The following PRH1 variants were observed in gnomAD, a reference collection of about 807,000 sequenced individuals.
PRH1 encodes proline rich protein HaeIII subfamily 1.
Under a neutral mutation model 7.9 loss-of-function variants are expected in PRH1, and 7 were observed. The ratio of observed to expected loss-of-function variants is 0.89; its 90% CI spans 0.50 to 1.67. The LOEUF is 1.67. PRH1 is among the 40% of genes most tolerant of loss of function. PRH1 has a pLI of 0.00. For synonymous variants in PRH1, 45 were observed against 80.8 expected (o/e 0.56, Z 2.38); for missense variants, 109 against 223.6 (o/e 0.49, Z 3.27).
rs1247255283 is a variant in PRH1, at chr12:11,081,371, C to A, written n.124-34183G>T. Among the ~76,000 whole-genome samples, 6 of 116,168 alleles carry A rather than the reference C, an allele frequency of 5.2e-5. 3 individuals carry two copies. The highest frequency in any genetic ancestry group is 1.2e-4 in the African/African-American group (4 of 34,718). 76.2% of individuals were successfully genotyped at this position (116,168 alleles called of 152,430 possible). A position where few individuals can be genotyped will look rare whatever the true frequency, so the allele number is the denominator to read the frequency against. On this transcript the variant is annotated intron_variant and non_coding_transcript_variant, in intron 1 of 4. Transcript: ENST00000541977. ...CCATAAATCATTTTCTAGGGAGAAACTGAACAAACTACTCTTAACACCATG... is the reference window on the plus strand; with the variant it reads ...CCATAAATCATTTTCTAGGGAGAAAATGAACAAACTACTCTTAACACCATG...
At chr12:11,167,036 C>T (rs553210216) in intron 1 of PRH1, among the ~76,000 whole-genome samples, 1 of 152,218 alleles carries the variant, frequency 6.6e-6, no homozygotes, top group Non-Finnish European at 1.5e-5. Context: ...ATGGGATAAT[C>T]TCCCATCTCA....
At chr12:11,028,056 C>T (rs775294677) in intron 1 of PRH1, among the ~76,000 whole-genome samples, 12 of 152,164 alleles carry the variant, frequency 7.9e-5, no homozygotes, top group Admixed American at 3.9e-4. Context: ...TTCTCAGATT[C>T]TCTTCACTAT....
intron 1 of PRH1, among the ~76,000 whole-genome samples, chr12:11,060,979 G>T (rs1196912739): frequency 6.6e-6 from 1 of 152,236 alleles, no homozygotes; most frequent in Non-Finnish European, 1.5e-5. Flanking sequence ...TGTCTTTCCT[G>T]AGATAAGCTG....
chr12:10,897,273 G>A (rs1421710191), intron 2 of PRH1, among the ~76,000 whole-genome samples: 1 of 152,132 alleles, frequency 6.6e-6, no homozygotes, highest in African/African-American at 2.4e-5. Flanking sequence ...ATGCTCACTA[G>A]CCACGTGTGA....
rs35804377 is a variant in PRH1, at chr12:11,153,898, T to C, written n.39+17524A>G. On this transcript the variant is annotated intron_variant and non_coding_transcript_variant, in intron 1 of 1. Coordinates refer to the PRH1 transcript ENST00000541175. Reference sequence around the variant, plus strand: ...ATAATGTGAATTATGATAAATATTATGAGCTCACTAACAGATATTACCCCC... The same window carrying C: ...ATAATGTGAATTATGATAAATATTACGAGCTCACTAACAGATATTACCCCC... Among the ~76,000 whole-genome samples, 656 of 152,262 alleles carry C rather than the reference T, an allele frequency of 4.3e-3. 5 individuals are homozygous for C. The highest frequency in any genetic ancestry group is 0.015 in the African/African-American group (634 of 41,542).
Position 11,037,212 on chromosome 12 carries a change from T to C in PRH1, c.-126+9808A>G, listed in dbSNP as rs1394350263. Among the ~76,000 whole-genome samples the C allele has an allele frequency of 2.6e-5, 4 of 152,360 alleles. No homozygotes were observed. In the East Asian group the frequency reaches 7.7e-4, roughly 29 times the overall value. ...AATACAGTATATCAACTTTAGTTTA[T>C]CTTTTAATAGCATCATTAGCAAGCC... On this transcript the variant is annotated intron_variant, in intron 1 of 3. Transcript: ENST00000539853.
chr12:11,166,028 T>C (rs1047922422), intron 1 of PRH1: 1 of 152,254 alleles, frequency 6.6e-6, no homozygotes, highest in African/African-American at 2.4e-5. Context: ...GTGGGACTTT[T>C]TTAATGCTCC....
chr12:10,922,769 T>A (rs987470221), intron 2 of PRH1, among the ~76,000 whole-genome samples: 2 of 151,820 alleles, frequency 1.3e-5, no homozygotes, highest in East Asian at 3.9e-4. Context: ...ATTTACGTAA[T>A]GCATTGTTAG....
At chr12:11,080,871 T>C (rs1944475786) in intron 1 of PRH1, among the ~76,000 whole-genome samples, 1 of 118,046 alleles carries the variant, frequency 8.5e-6, no homozygotes, top group Non-Finnish European at 2.0e-5. Context: ...ATATTTTCTG[T>C]TAAAATCAGG....
At chr12:11,042,506 A>G (rs1484846529) in intron 1 of PRH1, among the ~76,000 whole-genome samples, 1 of 149,644 alleles carries the variant, frequency 6.7e-6, no homozygotes, top group South Asian at 2.1e-4. Context: ...AAAAAAAAAA[A>G]GCCTGGGAGC....
At chr12:11,074,151 G>A (rs67027384) in intron 1 of PRH1, among the ~76,000 whole-genome samples, 30,174 of 104,914 alleles carry the variant, frequency 0.29, 6,245 homozygotes, top group Non-Finnish European at 0.35. Context: ...GGACTTGAAT[G>A]TATCTGTGGG....
chr12:11,127,233 T>G (rs1029805809), intron 1 of PRH1, among the ~76,000 whole-genome samples: 1 of 152,304 alleles, frequency 6.6e-6, no homozygotes, highest in African/African-American at 2.4e-5. Context: ...ATACTGATGT[T>G]GATGTGAAAG....
intron 1 of PRH1, among the ~76,000 whole-genome samples, chr12:11,066,494 T>A (rs908132507): frequency 2.6e-5 from 4 of 151,934 alleles, no homozygotes; most frequent in African/African-American, 9.7e-5. Flanking sequence ...TATACTTAAT[T>A]TCTAAATCTA....
intron 1 of PRH1, among the ~76,000 whole-genome samples, chr12:11,037,573 T>C (rs1450394146): frequency 1.3e-5 from 2 of 152,256 alleles, no homozygotes; most frequent in Non-Finnish European, 2.9e-5. Context: ...TATAATTTAT[T>C]GGAAATTCAT....
At chr12:10,957,540 T>C (rs1027948985) in intron 2 of PRH1, among the ~76,000 whole-genome samples, 3 of 152,130 alleles carry the variant, frequency 2.0e-5, no homozygotes, top group Non-Finnish European at 4.4e-5. Context: ...CCAAAATCAA[T>C]TGCAACAGAA....
chr12:10,936,167 C>T (rs1950285168), intron 2 of PRH1, among the ~76,000 whole-genome samples: 1 of 151,816 alleles, frequency 6.6e-6, no homozygotes, highest in Non-Finnish European at 1.5e-5. Context: ...ATACACACAC[C>T]CCTGCAGCTT....
intron 2 of PRH1, among the ~76,000 whole-genome samples, chr12:10,916,155 T>G (rs1456023877): frequency 6.6e-6 from 1 of 152,126 alleles, no homozygotes; most frequent in African/African-American, 2.4e-5. Context: ...GCAAGGCAAC[T>G]CCCCTTTATA....
chr12:11,135,858 A>G (rs1946534407), intron 1 of PRH1, among the ~76,000 whole-genome samples: 1 of 152,158 alleles, frequency 6.6e-6, no homozygotes, highest in East Asian at 1.9e-4. Context: ...CCAATAGTTT[A>G]TTTTTCCCCT....
At chr12:11,043,645 T>C (rs191988598) in intron 1 of PRH1, among the ~76,000 whole-genome samples, 28 of 152,188 alleles carry the variant, frequency 1.8e-4, no homozygotes, top group Admixed American at 5.9e-4. Context: ...TATATGTCAA[T>C]AGTGAACAAT....
Sources: gnomAD v4.1 joint callset for allele counts (sites outside exome capture counted in the v4.1 genomes callset) on GRCh38, gnomAD v4.1.1 for gene constraint, MANE v1.5 for transcripts, NCBI Gene and HGNC (gene_info 2026-07-23, HGNC 2026-07-21) for gene names.